SLC9A3: variants seen among roughly 807,000 people sequenced by gnomAD.
The protein encoded by SLC9A3 is solute carrier family 9 member A3.
SLC9A3 carries 37 observed loss-of-function variants against 86.8 expected under a neutral mutation model. That is an observed-to-expected ratio of 0.43 (90% CI 0.33 to 0.56). The LOEUF (loss-of-function observed/expected upper bound fraction) is 0.56. Ranked by LOEUF, SLC9A3 falls within the 20% of genes least tolerant of loss-of-function variation. The pLI, the probability that SLC9A3 is intolerant of heterozygous loss-of-function variation, is 0.06. For missense variants in SLC9A3, 1,011 were observed against 1,171.9 expected (o/e 0.86, Z 2.00); for synonymous variants, 581 against 528.3 (o/e 1.10, Z -1.37).
At chr5:515,224 C>T (rs1156392553) in intron 1 of SLC9A3, among the ~76,000 whole-genome samples, 2 of 152,110 alleles carry the variant, frequency 1.3e-5, no homozygotes, top group Admixed American at 1.3e-4. Flanking sequence ...ACCCCCAGCA[C>T]AGCAGCACAA....
chr5:506,411 C>T lies in SLC9A3; in HGVS notation c.212-14340G>A, dbSNP rs181169386. Among the ~76,000 whole-genome samples, 766 of 152,308 alleles carry T rather than the reference C, an allele frequency of 5.0e-3. 10 individuals are homozygous for T. Among genetic ancestry groups the T allele is most frequent in the Middle Eastern group, 0.041 (12 of 294 alleles). On this transcript the variant is annotated intron_variant, in intron 1 of 16. Transcript: ENST00000264938. ...GCGCATTCTCACGCGAGGTGTGCCC[C>T]GTGTCTCCATCATTTGCCCCAAATG...
At chr5:475,535 C>A in intron 15 of SLC9A3, 26 bp downstream of exon 15, 1 of 1,408,354 alleles carries the variant, frequency 7.1e-7, no homozygotes, top group South Asian at 1.2e-5. Context: ...CCTCCCTTAG[C>A]CACGACGCCT....
chr5:475,959 G>C (rs955475076), intron 14 of SLC9A3, 61 bp downstream of exon 14: 1 of 1,399,218 alleles, frequency 7.1e-7, no homozygotes, highest in African/African-American at 1.4e-5. Context: ...CGAGCCGGGA[G>C]GGCTGGGGCT....
At chr5:498,202 C>T (rs964717113) in intron 1 of SLC9A3, among the ~76,000 whole-genome samples, 5 of 152,214 alleles carry the variant, frequency 3.3e-5, no homozygotes, top group African/African-American at 7.2e-5. Context: ...TGCTGCCAAC[C>T]GTGTCTTCTC....
intron 5 of SLC9A3, 73 bp from the exon 6 acceptor site, chr5:483,555 C>T: frequency 9.1e-7 from 1 of 1,104,792 alleles, no homozygotes; most frequent in South Asian, 1.3e-5. Context: ...CGCCCAGCCC[C>T]CCACGGCCTG....
intron 1 of SLC9A3, among the ~76,000 whole-genome samples, chr5:500,861 G>T (rs983429678): frequency 1.3e-5 from 2 of 151,614 alleles, no homozygotes; most frequent in African/African-American, 4.8e-5. Context: ...TGTGGATGGG[G>T]CCAGTGTGGA....
intron 4 of SLC9A3, 118 bp downstream of exon 4, chr5:485,035 G>A: frequency 1.3e-6 from 1 of 779,128 alleles, no homozygotes; most frequent in Admixed American, 2.0e-5. Flanking sequence ...TGGACAGAAG[G>A]GCCCAGTGTA....
chr5:492,121 G>A, intron 1 of SLC9A3, 50 bp from the exon 2 acceptor site: 2 of 967,232 alleles, frequency 2.1e-6, no homozygotes, highest in Non-Finnish European at 2.8e-6. Context: ...GGAGGGGAGG[G>A]AGGTCAGGGC....
chr5:473,329 G>C lies in SLC9A3; in HGVS notation c.*50C>G, dbSNP rs1738506080. 14 of 1,406,304 alleles carry C rather than the reference G, an allele frequency of 1.0e-5. No individual in the cohort carries two copies. Among genetic ancestry groups the C allele is most frequent in the African/African-American group, 1.5e-5 (1 of 66,828 alleles). The allele number at this position is 1,406,304 out of a possible 1,614,324, so 87.1% of individuals were successfully genotyped here. On this transcript the variant is annotated 3_prime_UTR_variant, in exon 17 of 17. Coordinates refer to ENST00000264938, the MANE Select transcript of SLC9A3 (RefSeq NM_004174.4). ...GGGACAGCGGCGGCGGCGGTGGGCG[G>C]ACCGTGGCGCGGGGACGAGCGGCCG...
At chr5:501,491 G>A (rs530823507) in intron 1 of SLC9A3, among the ~76,000 whole-genome samples, 6 of 152,314 alleles carry the variant, frequency 3.9e-5, no homozygotes, top group Admixed American at 6.5e-5. Context: ...CCACCCTCCC[G>A]GGGGACGAGG....
intron 1 of SLC9A3, among the ~76,000 whole-genome samples, chr5:518,625 C>G (rs534006422): frequency 1.1e-4 from 17 of 152,302 alleles, no homozygotes; most frequent in Admixed American, 1.0e-3. Flanking sequence ...GATGGGAACC[C>G]CAACTCTAAA....
rs1738431227 is a variant in SLC9A3 at position 472,698 on chromosome 5, C to T, written c.*681G>A. 1.9e-6 allele frequency: 1 copy of T among 537,114 alleles called. No homozygotes were observed. The highest frequency in any genetic ancestry group is 3.6e-6 in the Non-Finnish European group (1 of 279,146). The allele number at this position is 537,114 out of a possible 1,614,324, so 33.3% of individuals were successfully genotyped here. On this transcript the variant is annotated 3_prime_UTR_variant, in exon 17 of 17. Transcript: ENST00000264938. ...CTTTACCTGCAGTTCAAAGACCTGG[C>T]GAGGGCCTGGAAACGGCGCTCGGCC...
In SLC9A3 at chr5:472,162, A is replaced by G. The variant is rs1448642211; in HGVS notation, c.*1217T>C. 1 of 373,972 alleles carries G rather than the reference A, an allele frequency of 2.7e-6. No individual in the cohort carries two copies. Among genetic ancestry groups the G allele is most frequent in the African/African-American group, 2.1e-5 (1 of 47,292 alleles). 23.2% of individuals were successfully genotyped at this position (373,972 alleles called of 1,614,324 possible). A position where few individuals can be genotyped will look rare whatever the true frequency, so the allele number is the denominator to read the frequency against. On this transcript the variant is annotated 3_prime_UTR_variant, in exon 17 of 17. Transcript: ENST00000264938. ...GGCTCAGCACCCGCGGCCTCCGCCC[A>G]CTCAATGGACTGTGCCTCCCAGAGC...
At position 473,039 on chromosome 5, in the gene SLC9A3, C is replaced by T. The variant is rs2126597884; in HGVS notation, c.*340G>A. On this transcript the variant is annotated 3_prime_UTR_variant, in exon 17 of 17. Transcript: ENST00000264938. ...AGGGCGGCAGCGACGCCAGCTTCAGCAGCGCGGGGCGGCGGCGCGCGCGAG... is the reference window on the plus strand; with the variant it reads ...AGGGCGGCAGCGACGCCAGCTTCAGTAGCGCGGGGCGGCGGCGCGCGCGAG... 1.4e-5 allele frequency: 5 copies of T among 369,666 alleles called. No homozygotes were observed. The highest frequency in any genetic ancestry group is 9.0e-5 in the South Asian group (1 of 11,104). The allele number at this position is 369,666 out of a possible 1,614,324, so 22.9% of individuals were successfully genotyped here. A position where few individuals can be genotyped will look rare whatever the true frequency, so the allele number is the denominator to read the frequency against.
intron 6 of SLC9A3, 45 bp downstream of exon 6, chr5:483,217 C>G: frequency 7.1e-7 from 1 of 1,409,944 alleles, no homozygotes; most frequent in Non-Finnish European, 9.8e-7. Context: ...GGAGACGGTG[C>G]CGGCCCATCG....
intron 10 of SLC9A3, 154 bp downstream of exon 10, chr5:479,682 G>T: frequency 1.5e-6 from 1 of 667,742 alleles, no homozygotes; most frequent in Non-Finnish European, 2.6e-6. Flanking sequence ...GATTCCCAGG[G>T]CATCAGAAGG....
chr5:522,167 C>T (rs1432705608), intron 1 of SLC9A3, among the ~76,000 whole-genome samples: 2 of 152,248 alleles, frequency 1.3e-5, no homozygotes, highest in Non-Finnish European at 2.9e-5. Context: ...CCGCTGAGTG[C>T]TATCAGGGTG....
chr5:523,595 G>C (rs1291949073), intron 1 of SLC9A3, among the ~76,000 whole-genome samples: 4 of 150,174 alleles, frequency 2.7e-5, no homozygotes, highest in African/African-American at 9.8e-5. Context: ...CTGACCGACC[G>C]GGATTTTCTA....
intron 1 of SLC9A3, among the ~76,000 whole-genome samples, chr5:520,078 CTGGTTTCCCCG>C (rs1035842866): frequency 1.3e-5 from 2 of 152,150 alleles, no homozygotes; most frequent in African/African-American, 4.8e-5. Context: ...CCCCACTGTC[CTGGTTTCCCCG>C]TGGGCAGTCA....
Sources: allele counts gnomAD v4.1 joint callset (sites outside exome capture counted in the v4.1 genomes callset), GRCh38; gene constraint gnomAD v4.1.1; transcripts MANE v1.5; gene names NCBI Gene and HGNC (gene_info 2026-07-23, HGNC 2026-07-21).